The following EFNA5 variants were observed in gnomAD, a reference collection of about 807,000 sequenced individuals.
EFNA5 encodes the protein ephrin-A5.
EFNA5 carries 5 observed loss-of-function variants against 22.9 expected under a neutral mutation model. That is an observed-to-expected ratio of 0.22 (90% confidence interval 0.11 to 0.46). The LOEUF is 0.46. Ranked by LOEUF, EFNA5 falls within the 20% of genes least tolerant of loss-of-function variation. The probability of loss-of-function intolerance (pLI) is 0.99; values close to 1 mark genes in which losing one functional copy is unlikely to be tolerated. For synonymous variants in EFNA5, 113 were observed against 112.2 expected, an observed-to-expected ratio of 1.01 and a Z score of -0.04; for missense variants, 237 against 293.3, an observed-to-expected ratio of 0.81 and a Z score of 1.40.
rs927470029 is a variant in EFNA5, at chr5:107,378,716, T to C, written c.*2539A>G. The C allele has an allele frequency of 6.6e-6, 1 of 152,178 alleles. No individual in the cohort carries two copies. The highest frequency in any genetic ancestry group is 2.4e-5 in the African/African-American group (1 of 41,442). The allele number at this position is 152,178 out of a possible 1,614,324, so 9.4% of individuals were successfully genotyped here. A position where few individuals can be genotyped will look rare whatever the true frequency, so the allele number is the denominator to read the frequency against. ...GTGAAGTAAAGGGGTCTAATTTCAC[T>C]GTGAAAAAATGAAAGACAATGGCAG... is the stretch of plus-strand genomic sequence containing the variant. On this transcript the variant is annotated 3_prime_UTR_variant, in exon 5 of 5. Transcript: ENST00000333274.
rs1357340522 is a variant in EFNA5 at position 107,379,610 on chromosome 5, A to T, written c.*1645T>A. On this transcript the variant is annotated 3_prime_UTR_variant, in exon 5 of 5. Transcript: ENST00000333274. Reference sequence around the variant, plus strand: ...ATTGGTCTAACACTTTTCCTTGTCTAGGCTTTGGATTTTAAAGTTCATGAC... The same window carrying T: ...ATTGGTCTAACACTTTTCCTTGTCTTGGCTTTGGATTTTAAAGTTCATGAC... The T allele has an allele frequency of 6.8e-6, 1 of 147,032 alleles. No homozygotes were observed. The highest frequency in any genetic ancestry group is 2.5e-5 in the African/African-American group (1 of 39,842). 9.1% of individuals were successfully genotyped at this position (147,032 alleles called of 1,614,324 possible).
chr5:107,541,358 C>G (rs1748044329), intron 1 of EFNA5, among the ~76,000 whole-genome samples: 1 of 152,032 alleles, frequency 6.6e-6, no homozygotes, highest in African/African-American at 2.4e-5. Context: ...TCTTATTTTA[C>G]TTTTAACTCA....
chr5:107,411,691 T>G (rs1032815979), intron 2 of EFNA5, among the ~76,000 whole-genome samples: 3 of 152,222 alleles, frequency 2.0e-5, no homozygotes, highest in Non-Finnish European at 4.4e-5. Flanking sequence ...TTGCCCAGGC[T>G]GGAGTGCAGT....
chr5:107,379,373 C>T lies in EFNA5; in HGVS notation c.*1882G>A, dbSNP rs185711296. The T allele has an allele frequency of 3.3e-5, 5 of 152,198 alleles. No individual in the cohort carries two copies. The highest frequency in any genetic ancestry group is 2.1e-4 in the South Asian group (1 of 4,812). 9.4% of individuals were successfully genotyped at this position (152,198 alleles called of 1,614,324 possible). A position where few individuals can be genotyped will look rare whatever the true frequency, so the allele number is the denominator to read the frequency against. ...ACAATTCTAAGCAAATTCCCATTCACGAAGTCTGTCCATAATGCGACCTTC... is the reference window on the plus strand; with the variant it reads ...ACAATTCTAAGCAAATTCCCATTCATGAAGTCTGTCCATAATGCGACCTTC... On this transcript the variant is annotated 3_prime_UTR_variant, in exon 5 of 5. Transcript: ENST00000333274.
intron 1 of EFNA5, among the ~76,000 whole-genome samples, chr5:107,461,812 AT>A (rs554298898): frequency 5.3e-5 from 8 of 151,846 alleles, no homozygotes; most frequent in Non-Finnish European, 1.2e-4. Flanking sequence ...CATTGAGTAA[AT>A]TTTTTTTTAA....
chr5:107,589,369 A>C (rs1749269664), intron 1 of EFNA5, among the ~76,000 whole-genome samples: 1 of 152,222 alleles, frequency 6.6e-6, no homozygotes, highest in Non-Finnish European at 1.5e-5. Flanking sequence ...AAAGTGACCG[A>C]AAGACCTAAA....
intron 1 of EFNA5, among the ~76,000 whole-genome samples, chr5:107,482,804 CT>C: frequency 1.0e-5 from 1 of 95,422 alleles, no homozygotes; most frequent in East Asian, 6.3e-4. Context: ...TGCTCTCTCT[CT>C]CTCTCTCTGT....
rs75022787 is a variant in EFNA5 at position 107,405,249 on chromosome 5, C to A, written c.419-17478G>T. Among the ~76,000 whole-genome samples the A allele has an allele frequency of 3.5e-3, 529 of 152,282 alleles. 3 individuals carry two copies. The highest frequency in any genetic ancestry group is 0.012 in the African/African-American group (498 of 41,558). On this transcript the variant is annotated intron_variant, in intron 2 of 4. Transcript: ENST00000333274. Reference sequence around the variant, plus strand: ...CACTCCTGTGATGCCTCAGCCCTGGCCGGAAAGAGAAGCAAACTAGCTGAT... The same window carrying A: ...CACTCCTGTGATGCCTCAGCCCTGGACGGAAAGAGAAGCAAACTAGCTGAT...
At chr5:107,407,459 A>G (rs1748253532) in intron 2 of EFNA5, among the ~76,000 whole-genome samples, 1 of 152,186 alleles carries the variant, frequency 6.6e-6, no homozygotes, top group African/African-American at 2.4e-5. Context: ...TCAGCATTTC[A>G]GAGAGATCAA....
intron 2 of EFNA5, 183 bp downstream of exon 2, chr5:107,427,034 G>T: frequency 3.1e-6 from 2 of 652,138 alleles, no homozygotes; most frequent in Admixed American, 2.7e-5. Context: ...GACGCGCTCT[G>T]TCTTTAATCT....
In EFNA5 at chr5:107,390,857, C is replaced by T. The variant is rs116492619; in HGVS notation, c.419-3086G>A. Among the ~76,000 whole-genome samples, 1,502 of 152,230 alleles carry T rather than the reference C, an allele frequency of 9.9e-3. 19 individuals carry two copies. The highest frequency in any genetic ancestry group is 0.013 in the Admixed American group (198 of 15,290). On this transcript the variant is annotated intron_variant, in intron 2 of 4. Coordinates refer to ENST00000333274, the MANE Select transcript of EFNA5 (RefSeq NM_001962.3). ...GCAGCTTCATCTATCATTTCAAATG[C>T]TTTTAAAATGCCTACTATGGGTTGG... is the stretch of plus-strand genomic sequence containing the variant.
chr5:107,438,574 T>A (rs1203970447), intron 1 of EFNA5, among the ~76,000 whole-genome samples: 2 of 152,146 alleles, frequency 1.3e-5, no homozygotes, highest in African/African-American at 4.8e-5. Context: ...GCAGGAGTCA[T>A]GGGGAATACA....
intron 1 of EFNA5, among the ~76,000 whole-genome samples, chr5:107,588,661 T>C (rs1749246810): frequency 6.6e-6 from 1 of 152,222 alleles, no homozygotes; most frequent in Non-Finnish European, 1.5e-5. Context: ...TGAATGGAAA[T>C]TGTTTCCCAA....
chr5:107,429,523 G>A (rs1036535558), intron 1 of EFNA5, among the ~76,000 whole-genome samples: 7 of 152,148 alleles, frequency 4.6e-5, no homozygotes, highest in Non-Finnish European at 8.8e-5. Flanking sequence ...ATACTCTTCC[G>A]AGAGACAACA....
intron 1 of EFNA5, among the ~76,000 whole-genome samples, chr5:107,504,982 A>G (rs1310645472): frequency 6.6e-6 from 1 of 152,198 alleles, no homozygotes; most frequent in Non-Finnish European, 1.5e-5. Context: ...CAATGTATGT[A>G]TAAAAGGTAG....
chr5:107,527,276 T>TTTTTTTC (rs1747713585), intron 1 of EFNA5, among the ~76,000 whole-genome samples: 2 of 147,254 alleles, frequency 1.4e-5, no homozygotes, highest in Admixed American at 1.4e-4. Context: ...TAAAACAACC[T>TTTTTTTC]TTTTTTCTTT....
At chr5:107,587,635 G>A (rs1449963271) in intron 1 of EFNA5, among the ~76,000 whole-genome samples, 1 of 152,174 alleles carries the variant, frequency 6.6e-6, no homozygotes, top group Admixed American at 6.5e-5. Context: ...TCCTGCCTCA[G>A]CCTCCTGAAT....
At chr5:107,562,192 A>G (rs1388542593) in intron 1 of EFNA5, among the ~76,000 whole-genome samples, 1 of 152,220 alleles carries the variant, frequency 6.6e-6, no homozygotes, top group African/African-American at 2.4e-5. Context: ...GTAGCAATTC[A>G]TTACTGACAG....
At chr5:107,639,104 T>C (rs1750447334) in intron 1 of EFNA5, among the ~76,000 whole-genome samples, 1 of 152,186 alleles carries the variant, frequency 6.6e-6, no homozygotes, top group African/African-American at 2.4e-5. Context: ...ACACAACATA[T>C]TACTTCGGTG....
Sources: gnomAD v4.1 joint callset for allele counts (sites outside exome capture counted in the v4.1 genomes callset) on GRCh38, gnomAD v4.1.1 for gene constraint, MANE v1.5 for transcripts, NCBI Gene and HGNC (gene_info 2026-07-23, HGNC 2026-07-21) for gene names.